Variants in WNT9A observed in about 807,000 individuals in gnomAD.
WNT9A encodes the protein protein Wnt-9a.
Under a neutral mutation model 31.4 loss-of-function variants are expected in WNT9A, and 8 were observed. That is an observed-to-expected ratio of 0.26 (90% CI 0.15 to 0.46). WNT9A has a LOEUF of 0.46. Among genes scored for constraint, WNT9A ranks in the 20% least tolerant of loss-of-function variants. The pLI is 0.99. For missense variants in WNT9A, 457 were observed against 522.9 expected, an observed-to-expected ratio of 0.87 and a Z score of 1.23; for synonymous variants, 236 against 220.1, an observed-to-expected ratio of 1.07 and a Z score of -0.64.
In WNT9A at chr1:227,942,500, C is replaced by T. The variant is rs189823964; in HGVS notation, c.95+5293G>A. Among the ~76,000 whole-genome samples, 2 of 152,262 alleles carry T rather than the reference C, an allele frequency of 1.3e-5. No individual in the cohort carries two copies. The highest frequency in any genetic ancestry group is 2.4e-5 in the African/African-American group (1 of 41,560). On this transcript the variant is annotated intron_variant, in intron 1 of 3. Coordinates refer to ENST00000272164, the MANE Select transcript of WNT9A (RefSeq NM_003395.4). This position sits in a 1 kb window ranked among gnomAD's most constrained non-coding sequence, Gnocchi z 5.7. ...CCAGTCCAGGAGTCCTGGAGAAATG[C>T]CCCGACTTTCCACTGGCCCTGTCCT...
At position 227,928,873 on chromosome 1, in the gene WNT9A, C is replaced by T. The variant is rs1188625115; in HGVS notation, c.96-3354G>A. Reference sequence around the variant, plus strand: ...ACTGAAAAGTGAATATATTTGACTACTTAAAAGTATAAAAATCTCTGCACA... The same window carrying T: ...ACTGAAAAGTGAATATATTTGACTATTTAAAAGTATAAAAATCTCTGCACA... On this transcript the variant is annotated intron_variant, in intron 1 of 3. Coordinates refer to ENST00000272164, the MANE Select transcript of WNT9A (RefSeq NM_003395.4). The surrounding 1 kb of genome is among the most constrained non-coding windows in gnomAD (Gnocchi z 4.5). Among the ~76,000 whole-genome samples the T allele has an allele frequency of 6.6e-6, 1 of 152,228 alleles. No individual in the cohort carries two copies. Among genetic ancestry groups the T allele is most frequent in the Non-Finnish European group, 1.5e-5 (1 of 68,046 alleles).
At chr1:227,923,951 T>A (rs1237495646) in intron 3 of WNT9A, among the ~76,000 whole-genome samples, 187 bp downstream of exon 3, 2 of 152,048 alleles carry the variant, frequency 1.3e-5, no homozygotes, top group African/African-American at 4.8e-5. Context: ...GTAGGGAGCC[T>A]TATGGGCACG....
chr1:227,924,439 C>A, intron 2 of WNT9A, 39 bp from the exon 3 acceptor site: 2 of 1,586,328 alleles, frequency 1.3e-6, no homozygotes, highest in South Asian at 1.1e-5. Flanking sequence ...CCCAGGCTGC[C>A]CAGAGTTCCC....
chr1:227,921,809 TG>T lies in WNT9A; in HGVS notation c.806del (p.Pro269HisfsTer67). 1 of 1,612,752 alleles carries T rather than the reference TG, an allele frequency of 6.2e-7. No homozygotes were observed. On this transcript the variant is annotated frameshift_variant, in exon 4 of 4. Transcript: ENST00000272164. LOFTEE classifies it high-confidence loss of function. ...CTGCCCCCGAGGCACGGCCCCGTGG[TG>T]GGGAGATGGCACCTGCCTCGCCGGC... ...EAAGEAGAIS[P>X]PRGRASGAGG...
At position 227,921,347 on chromosome 1, in the gene WNT9A, G is replaced by T; in HGVS notation, c.*171C>A. On this transcript the variant is annotated 3_prime_UTR_variant, in exon 4 of 4. Transcript: ENST00000272164. Reference sequence around the variant, plus strand: ...ACTCACCCCACGCTGCTAGGTCTGAGCCCAGGGACTCAGCCCATGCAGGTG... The same window carrying T: ...ACTCACCCCACGCTGCTAGGTCTGATCCCAGGGACTCAGCCCATGCAGGTG... The T allele has an allele frequency of 1.8e-6, 2 of 1,088,322 alleles. No homozygotes were observed. The highest frequency in any genetic ancestry group is 2.6e-6 in the Non-Finnish European group (2 of 774,832). 67.4% of individuals were successfully genotyped at this position (1,088,322 alleles called of 1,614,324 possible).
In WNT9A at chr1:227,942,844, C is replaced by G. The variant is rs1333913179; in HGVS notation, c.95+4949G>C. Reference sequence around the variant, plus strand: ...CCCCGGCCCACAGTGCTCAGAGCACCCGACCCAGGCCCCAGCCATGGGGTC... The same window carrying G: ...CCCCGGCCCACAGTGCTCAGAGCACGCGACCCAGGCCCCAGCCATGGGGTC... On this transcript the variant is annotated intron_variant, in intron 1 of 3. Transcript: ENST00000272164. The surrounding 1 kb of genome is among the most constrained non-coding windows in gnomAD (Gnocchi z 5.7). 6.6e-6 allele frequency among the ~76,000 whole-genome samples: 1 copy of G among 152,192 alleles called. No individual in the cohort carries two copies. The highest frequency in any genetic ancestry group is 1.5e-5 in the Non-Finnish European group (1 of 68,016).
rs1308061073 is a variant in WNT9A at position 227,925,146 on chromosome 1, C to G, written c.352+117G>C. 7.2e-7 allele frequency: 1 copy of G among 1,394,444 alleles called. No individual in the cohort carries two copies. Among genetic ancestry groups the G allele is most frequent in the African/African-American group, 1.5e-5 (1 of 67,982 alleles). 86.4% of individuals were successfully genotyped at this position (1,394,444 alleles called of 1,614,324 possible). ...AGGGCCTAGGCCCAGGAGCTCTGGG[C>G]AGGCTGGGCCCGGCGTCCCCAGGAG... On this transcript the variant is annotated intron_variant, in intron 2 of 3. Coordinates refer to ENST00000272164, the MANE Select transcript of WNT9A (RefSeq NM_003395.4). This position sits in a 1 kb window ranked among gnomAD's most constrained non-coding sequence, Gnocchi z 6.0.
intron 1 of WNT9A, among the ~76,000 whole-genome samples, chr1:227,937,667 A>G (rs1282433669): frequency 6.6e-6 from 1 of 152,254 alleles, no homozygotes; most frequent in Non-Finnish European, 1.5e-5. Flanking sequence ...CACGGTTCGC[A>G]GCCATCGCTG....
At chr1:227,937,177 G>A (rs1191593098) in intron 1 of WNT9A, among the ~76,000 whole-genome samples, 1 of 152,212 alleles carries the variant, frequency 6.6e-6, no homozygotes, top group Non-Finnish European at 1.5e-5. Flanking sequence ...GTCAGTCTTT[G>A]TGGTTTCCCG....
At chr1:227,935,698 C>A (rs1039981138) in intron 1 of WNT9A, among the ~76,000 whole-genome samples, 11 of 152,232 alleles carry the variant, frequency 7.2e-5, no homozygotes, top group Admixed American at 3.3e-4. Context: ...GTTGACCATG[C>A]CTGTCCTGGG....
At chr1:227,934,936 G>A (rs564750273) in intron 1 of WNT9A, among the ~76,000 whole-genome samples, 275 of 151,204 alleles carry the variant, frequency 1.8e-3, no homozygotes, top group Non-Finnish European at 2.8e-3. Flanking sequence ...ACAGACTCAG[G>A]TCACTATAGA....
In WNT9A at chr1:227,925,161, G is replaced by C. The variant is rs377053859; in HGVS notation, c.352+102C>G. ...GAGCTCTGGGCAGGCTGGGCCCGGCGTCCCCAGGAGCGCAGCCTAAGAGGG... is the reference window on the plus strand; with the variant it reads ...GAGCTCTGGGCAGGCTGGGCCCGGCCTCCCCAGGAGCGCAGCCTAAGAGGG... On this transcript the variant is annotated intron_variant, in intron 2 of 3. Transcript: ENST00000272164. This position sits in a 1 kb window ranked among gnomAD's most constrained non-coding sequence, Gnocchi z 6.0. 4.0e-5 allele frequency: 57 copies of C among 1,411,888 alleles called. 1 individual carries two copies. The East Asian group carries it at 4.7e-4, about 12-fold the overall frequency. The allele number at this position is 1,411,888 out of a possible 1,614,324, so 87.5% of individuals were successfully genotyped here.
chr1:227,942,100 C>T lies in WNT9A; in HGVS notation c.95+5693G>A, dbSNP rs772224575. Among the ~76,000 whole-genome samples the T allele has an allele frequency of 2.6e-5, 4 of 152,144 alleles. No individual in the cohort carries two copies. Among genetic ancestry groups the T allele is most frequent in the Non-Finnish European group, 5.9e-5 (4 of 68,000 alleles). ...CAGCCCGGGCCACCCCAGCAGCCGGCGGAAGGTCCCAGGCCAGGGCAGGCA... is the reference window on the plus strand; with the variant it reads ...CAGCCCGGGCCACCCCAGCAGCCGGTGGAAGGTCCCAGGCCAGGGCAGGCA... On this transcript the variant is annotated intron_variant, in intron 1 of 3. Coordinates refer to ENST00000272164, the MANE Select transcript of WNT9A (RefSeq NM_003395.4). The surrounding 1 kb of genome is among the most constrained non-coding windows in gnomAD (Gnocchi z 5.7).
At chr1:227,947,179 C>A (rs1003916745) in intron 1 of WNT9A, among the ~76,000 whole-genome samples, 17 of 152,146 alleles carry the variant, frequency 1.1e-4, no homozygotes, top group Non-Finnish European at 2.4e-4. Context: ...CGCGGGACGC[C>A]CCGGCCGGGC....
intron 1 of WNT9A, among the ~76,000 whole-genome samples, chr1:227,945,045 C>A (rs1385726661): frequency 6.6e-6 from 1 of 152,202 alleles, no homozygotes; most frequent in African/African-American, 2.4e-5. Context: ...TCCAGAGGGT[C>A]TGGGCCCAGG....
intron 1 of WNT9A, among the ~76,000 whole-genome samples, chr1:227,932,197 G>A (rs182524998): frequency 6.6e-6 from 1 of 152,290 alleles, no homozygotes; most frequent in Non-Finnish European, 1.5e-5. Context: ...CAACTAAATT[G>A]ATATCAATTC....
At chr1:227,943,143 C>T (rs1311212773) in intron 1 of WNT9A, among the ~76,000 whole-genome samples, 1 of 152,224 alleles carries the variant, frequency 6.6e-6, no homozygotes. Context: ...AACACATCCC[C>T]TCCCCACGCC....
intron 3 of WNT9A, among the ~76,000 whole-genome samples, chr1:227,923,667 G>A (rs181080070): frequency 2.6e-4 from 39 of 152,192 alleles, no homozygotes; most frequent in Admixed American, 8.5e-4. Context: ...AGTGGGTTCC[G>A]TACCCCTAAC....
intron 1 of WNT9A, among the ~76,000 whole-genome samples, chr1:227,938,760 G>A (rs1666643051): frequency 1.3e-5 from 2 of 152,152 alleles, no homozygotes; most frequent in Admixed American, 6.5e-5. Context: ...TGGGCCTGTT[G>A]CTGAAAACAG....
Sources: allele counts gnomAD v4.1 joint callset (sites outside exome capture counted in the v4.1 genomes callset), GRCh38; gene constraint gnomAD v4.1.1; non-coding constraint Gnocchi (gnomAD v3.1); transcripts MANE v1.5; gene names NCBI Gene and HGNC (gene_info 2026-07-23, HGNC 2026-07-21).